KCNQ1: variants seen among roughly 807,000 people sequenced by gnomAD.
KCNQ1 encodes the protein potassium voltage-gated channel subfamily Q member 1.
Under a neutral mutation model 72.4 loss-of-function variants are expected in KCNQ1, and 49 were observed. The observed-to-expected ratio is 0.68, with a 90% CI of 0.54 to 0.86. The LOEUF (loss-of-function observed/expected upper bound fraction) is 0.86. KCNQ1 is among the 40% of genes least tolerant of loss of function. The probability of loss-of-function intolerance (pLI) is 0.00; values close to 1 mark genes in which losing one functional copy is unlikely to be tolerated. For synonymous variants in KCNQ1, 450 were observed against 412.6 expected (o/e 1.09, Z -1.10); for missense variants, 790 against 945.1 (o/e 0.84, Z 2.15).
Position 2,677,907 on chromosome 11 carries a change from C to A in KCNQ1, c.1514+15826C>A. The A allele has an allele frequency of 2.5e-6, 1 of 398,512 alleles. No individual in the cohort carries two copies. 24.7% of individuals were successfully genotyped at this position (398,512 alleles called of 1,614,324 possible). ...TTCCCCCACCCTTACCAAGTGTATA[C>A]TCAGGTTTTTATCTTCATTCATTTC... On this transcript the variant is annotated intron_variant, in intron 11 of 15. Transcript: ENST00000155840. This position sits in a 1 kb window ranked among gnomAD's most constrained non-coding sequence, Gnocchi z 4.5.
chr11:2,528,446 C>T (rs1201103085), intron 2 of KCNQ1, among the ~76,000 whole-genome samples: 1 of 152,228 alleles, frequency 6.6e-6, no homozygotes, highest in Non-Finnish European at 1.5e-5. Context: ...CCACCCCAGG[C>T]ACCTGGATGG....
intron 2 of KCNQ1, among the ~76,000 whole-genome samples, chr11:2,534,427 G>C (rs1847694901): frequency 6.6e-6 from 1 of 152,240 alleles, no homozygotes; most frequent in Non-Finnish European, 1.5e-5. Flanking sequence ...GGGAACCAGT[G>C]GGTGACTCAG....
intron 2 of KCNQ1, among the ~76,000 whole-genome samples, chr11:2,560,606 G>A (rs1209842960): frequency 6.6e-6 from 1 of 151,550 alleles, no homozygotes; most frequent in African/African-American, 2.4e-5. Flanking sequence ...GATGTCCAGA[G>A]TGGGGGTCTT....
chr11:2,525,751 G>C (rs888672723), intron 1 of KCNQ1, among the ~76,000 whole-genome samples: 5 of 152,234 alleles, frequency 3.3e-5, no homozygotes, highest in African/African-American at 4.8e-5. Flanking sequence ...CCCAGTGGGG[G>C]AGTAACCTCA....
intron 10 of KCNQ1, chr11:2,650,482 A>C: frequency 1.0e-5 from 4 of 398,664 alleles, no homozygotes; most frequent in Non-Finnish European, 1.8e-5. Flanking sequence ...GGTTCAGTGC[A>C]GAAGTGTGGT....
At position 2,734,413 on chromosome 11, in the gene KCNQ1, G is replaced by T. The variant is rs918774594; in HGVS notation, c.1515-34431G>T. The stretch of plus-strand genomic sequence containing the variant: ...CTTCACAGCCCCCCGGCCACCGCAG[G>T]TCGGGGGAGCACTGTCCCCGGGGCC... On this transcript the variant is annotated intron_variant, in intron 11 of 15. Coordinates refer to ENST00000155840, the MANE Select transcript of KCNQ1 (RefSeq NM_000218.3). This position sits in a 1 kb window ranked among gnomAD's most constrained non-coding sequence, Gnocchi z 7.0. Among the ~76,000 whole-genome samples the T allele has an allele frequency of 3.3e-5, 5 of 152,252 alleles. No homozygotes were observed. The highest frequency in any genetic ancestry group is 9.6e-5 in the African/African-American group (4 of 41,468).
At chr11:2,841,358 A>G (rs1241476358) in intron 15 of KCNQ1, among the ~76,000 whole-genome samples, 1 of 152,164 alleles carries the variant, frequency 6.6e-6, no homozygotes, top group African/African-American at 2.4e-5. Flanking sequence ...CTGGGAGGGA[A>G]GGCTCAGCCT....
In KCNQ1 at chr11:2,494,228, C is replaced by T. The variant is rs900507544; in HGVS notation, c.387-33700C>T. On this transcript the variant is annotated intron_variant, in intron 1 of 15. Coordinates refer to ENST00000155840, the MANE Select transcript of KCNQ1 (RefSeq NM_000218.3). The surrounding 1 kb of genome is among the most constrained non-coding windows in gnomAD (Gnocchi z 4.6). ...CCAAGACTTTGCTGAAGTTGGCTATCAGCTTAAGGAGTTTTTGGGCTGAGA... is the reference window on the plus strand; with the variant it reads ...CCAAGACTTTGCTGAAGTTGGCTATTAGCTTAAGGAGTTTTTGGGCTGAGA... Among the ~76,000 whole-genome samples the T allele has an allele frequency of 9.9e-5, 15 of 152,166 alleles. No homozygotes were observed. Among genetic ancestry groups the T allele is most frequent in the African/African-American group, 3.4e-4 (14 of 41,430 alleles).
intron 6 of KCNQ1, among the ~76,000 whole-genome samples, chr11:2,577,924 C>T (rs552522272): frequency 1.3e-5 from 2 of 152,300 alleles, no homozygotes; most frequent in East Asian, 3.9e-4. Flanking sequence ...CCCCCCTAGG[C>T]CCCTTTCCTC....
chr11:2,534,646 G>A (rs570987453), intron 2 of KCNQ1, among the ~76,000 whole-genome samples: 72 of 152,330 alleles, frequency 4.7e-4, no homozygotes, highest in African/African-American at 1.7e-3. Context: ...GCTGCAGGGT[G>A]CTCTGGGAAG....
chr11:2,742,453 T>G (rs1490826128), intron 11 of KCNQ1, among the ~76,000 whole-genome samples: 2 of 152,170 alleles, frequency 1.3e-5, no homozygotes, highest in Non-Finnish European at 2.9e-5. Flanking sequence ...TTCATGCCTG[T>G]GGGGTGTCTG....
Position 2,613,956 on chromosome 11 carries a change from TCTC to T in KCNQ1, c.1393+25105_1393+25107del, listed in dbSNP as rs1849020221. 5.0e-6 allele frequency: 2 copies of T among 398,570 alleles called. No individual in the cohort carries two copies. The highest frequency in any genetic ancestry group is 4.4e-6 in the Non-Finnish European group (1 of 226,052). 24.7% of individuals were successfully genotyped at this position (398,570 alleles called of 1,614,324 possible). ...ACTTTGCTTTTCTCACCTAACAACA[TCTC>T]CTAGAAATCACTCAACATCCATTCA... On this transcript the variant is annotated intron_variant, in intron 10 of 15. Coordinates refer to ENST00000155840, the MANE Select transcript of KCNQ1 (RefSeq NM_000218.3). This position sits in a 1 kb window ranked among gnomAD's most constrained non-coding sequence, Gnocchi z 4.8.
At chr11:2,533,653 C>T (rs1321337540) in intron 2 of KCNQ1, among the ~76,000 whole-genome samples, 5 of 152,216 alleles carry the variant, frequency 3.3e-5, no homozygotes, top group Non-Finnish European at 7.3e-5. Flanking sequence ...CGTGTGTGTG[C>T]TTTGCGTGTT....
Position 2,506,225 on chromosome 11 carries a change from T to G in KCNQ1, c.387-21703T>G, listed in dbSNP as rs74048643. Among the ~76,000 whole-genome samples the G allele has an allele frequency of 1.8e-3, 273 of 152,346 alleles. 2 individuals carry two copies. The highest frequency in any genetic ancestry group is 6.3e-3 in the African/African-American group (260 of 41,582). On this transcript the variant is annotated intron_variant, in intron 1 of 15. Transcript: ENST00000155840. ...CTTACATTTATACCTTTGACCCATA[T>G]TGAGTTAATTTTTTATATCCAGCTT...
rs1045792448 is a variant in KCNQ1 at position 2,562,476 on chromosome 11, G to A, written c.478-8152G>A. Among the ~76,000 whole-genome samples the A allele has an allele frequency of 7.2e-5, 11 of 152,298 alleles. No homozygotes were observed. In the South Asian group the frequency reaches 1.0e-3, roughly 14 times the overall value. On this transcript the variant is annotated intron_variant, in intron 2 of 15. Transcript: ENST00000155840. The surrounding 1 kb of genome is among the most constrained non-coding windows in gnomAD (Gnocchi z 7.5). ...GTTGGAACAGCTGGCCCCAAAGCCCGCCAGCCGGGCTCTATGCTGTGGGGA... is the reference window on the plus strand; with the variant it reads ...GTTGGAACAGCTGGCCCCAAAGCCCACCAGCCGGGCTCTATGCTGTGGGGA...
Position 2,691,743 on chromosome 11 carries a change from G to T in KCNQ1, c.1514+29662G>T. 2.5e-6 allele frequency: 1 copy of T among 398,658 alleles called. No individual in the cohort carries two copies. Among genetic ancestry groups the T allele is most frequent in the Non-Finnish European group, 4.4e-6 (1 of 226,142 alleles). 24.7% of individuals were successfully genotyped at this position (398,658 alleles called of 1,614,324 possible). On this transcript the variant is annotated intron_variant, in intron 11 of 15. Coordinates refer to ENST00000155840, the MANE Select transcript of KCNQ1 (RefSeq NM_000218.3). The surrounding 1 kb of genome is among the most constrained non-coding windows in gnomAD (Gnocchi z 6.4). ...CCCACAGGGAGCCACACAGGCAGGG[G>T]ACATTCCACTAGGGCCATTTGCAGG...
At chr11:2,733,929 C>A (rs754438643) in intron 11 of KCNQ1, among the ~76,000 whole-genome samples, 6 of 150,954 alleles carry the variant, frequency 4.0e-5, no homozygotes, top group Non-Finnish European at 8.8e-5. Flanking sequence ...GAAACATGCA[C>A]ACGCTCTCCT....
rs1338926363 is a variant in KCNQ1 at position 2,464,518 on chromosome 11, C to T, written c.386+19034C>T. ...GGGCAGGTGCACTGTGGTCCTGGGTCCACATGGTGCTAGGGTCCCATGGGC... is the reference window on the plus strand; with the variant it reads ...GGGCAGGTGCACTGTGGTCCTGGGTTCACATGGTGCTAGGGTCCCATGGGC... On this transcript the variant is annotated intron_variant, in intron 1 of 15. Coordinates refer to ENST00000155840, the MANE Select transcript of KCNQ1 (RefSeq NM_000218.3). This position sits in a 1 kb window ranked among gnomAD's most constrained non-coding sequence, Gnocchi z 5.0. 6.6e-6 allele frequency among the ~76,000 whole-genome samples: 1 copy of T among 151,990 alleles called. No homozygotes were observed. The highest frequency in any genetic ancestry group is 1.5e-5 in the Non-Finnish European group (1 of 68,000).
intron 15 of KCNQ1, among the ~76,000 whole-genome samples, chr11:2,800,199 C>T (rs908594219): frequency 2.0e-5 from 3 of 152,200 alleles, no homozygotes; most frequent in African/African-American, 7.2e-5. Context: ...TCCTTTCCCG[C>T]CACCTTCAAG....
Sources: allele counts gnomAD v4.1 joint callset (sites outside exome capture counted in the v4.1 genomes callset), GRCh38; gene constraint gnomAD v4.1.1; non-coding constraint Gnocchi (gnomAD v3.1); transcripts MANE v1.5; gene names NCBI Gene and HGNC (gene_info 2026-07-23, HGNC 2026-07-21).